Variants in CDH12 observed in about 807,000 individuals in gnomAD.
CDH12 encodes cadherin 12.
Under a neutral mutation model 74.1 loss-of-function variants are expected in CDH12, and 41 were observed. The ratio of observed to expected loss-of-function variants is 0.55; its 90% CI spans 0.43 to 0.72. The LOEUF (loss-of-function observed/expected upper bound fraction) is 0.72, where lower values mean the gene tolerates loss of function less well. Ranked by LOEUF, CDH12 falls within the 30% of genes least tolerant of loss-of-function variation. The pLI is 0.00. For missense variants in CDH12, 945 were observed against 977.2 expected (o/e 0.97, Z 0.44); for synonymous variants, 399 against 355.0 (o/e 1.12, Z -1.39).
At chr5:22,272,321 C>T (rs537892489) in intron 3 of CDH12, among the ~76,000 whole-genome samples, 1 of 152,290 alleles carries the variant, frequency 6.6e-6, no homozygotes, top group Non-Finnish European at 1.5e-5. Flanking sequence ...GCATTAGGGT[C>T]TTGCTCTGGA....
At chr5:21,925,389 A>G (rs1326668396) in intron 6 of CDH12, among the ~76,000 whole-genome samples, 1 of 152,202 alleles carries the variant, frequency 6.6e-6, no homozygotes, top group African/African-American at 2.4e-5. Flanking sequence ...TCTAATTATA[A>G]CTGACACAAA....
chr5:21,884,032 C>T (rs575109584), intron 6 of CDH12: 69 of 1,451,614 alleles, frequency 4.8e-5, no homozygotes, highest in African/African-American at 1.9e-4. Flanking sequence ...ACCACTGCTA[C>T]GAATGCAGGT....
chr5:22,460,984 G>C (rs1745489071), intron 2 of CDH12, among the ~76,000 whole-genome samples: 1 of 145,306 alleles, frequency 6.9e-6, no homozygotes, highest in Non-Finnish European at 1.5e-5. Flanking sequence ...GCCTCCCAAA[G>C]TGCTGGGATT....
At chr5:22,190,176 T>G (rs1275718320) in intron 4 of CDH12, among the ~76,000 whole-genome samples, 1 of 152,226 alleles carries the variant, frequency 6.6e-6, no homozygotes, top group Non-Finnish European at 1.5e-5. Flanking sequence ...CTAATTCAAA[T>G]AGAGGTAGTG....
At chr5:22,505,421 AT>A in intron 1 of CDH12, 57 bp from the exon 2 acceptor site, 1 of 576,362 alleles carries the variant, frequency 1.7e-6, no homozygotes, top group Non-Finnish European at 2.2e-6. Flanking sequence ...ATAAACATTT[AT>A]TTTAGAATAT....
chr5:21,787,779 C>T (rs1746275761), intron 10 of CDH12, among the ~76,000 whole-genome samples: 1 of 152,136 alleles, frequency 6.6e-6, no homozygotes, highest in African/African-American at 2.4e-5. Flanking sequence ...CACATGAATG[C>T]TCTCAAAAAT....
chr5:21,879,618 T>C (rs1027628626), intron 6 of CDH12, among the ~76,000 whole-genome samples: 1 of 152,260 alleles, frequency 6.6e-6, no homozygotes, highest in Non-Finnish European at 1.5e-5. Flanking sequence ...TTTTTAAAAA[T>C]ATTTTGGTCA....
intron 1 of CDH12, among the ~76,000 whole-genome samples, chr5:22,610,777 ATATC>A (rs1737354863): frequency 6.6e-6 from 1 of 152,120 alleles, no homozygotes; most frequent in Non-Finnish European, 1.5e-5. Flanking sequence ...TTACTTAAAA[ATATC>A]TAATTATCCT....
At chr5:22,370,843 A>T (rs921029409) in intron 3 of CDH12, among the ~76,000 whole-genome samples, 4 of 152,158 alleles carry the variant, frequency 2.6e-5, no homozygotes, top group African/African-American at 7.2e-5. Flanking sequence ...AACAGCAAAA[A>T]AATCATCTGG....
At chr5:22,237,132 A>G (rs1397542614) in intron 3 of CDH12, among the ~76,000 whole-genome samples, 1 of 152,106 alleles carries the variant, frequency 6.6e-6, no homozygotes, top group Non-Finnish European at 1.5e-5. Flanking sequence ...TAGTTTGTTT[A>G]CACCAGCAGC....
At chr5:22,251,516 T>A (rs957591313) in intron 3 of CDH12, among the ~76,000 whole-genome samples, 9 of 152,222 alleles carry the variant, frequency 5.9e-5, no homozygotes, top group African/African-American at 2.2e-4. Context: ...TAAAGCCGTA[T>A]GAAAATGGAT....
intron 4 of CDH12, among the ~76,000 whole-genome samples, chr5:22,201,333 C>G (rs757254045): frequency 8.9e-4 from 136 of 152,258 alleles, no homozygotes; most frequent in Non-Finnish European, 1.5e-3. Flanking sequence ...AAACGGAATA[C>G]TATTCACACA....
chr5:21,944,861 C>T (rs1260702462), intron 6 of CDH12, among the ~76,000 whole-genome samples: 1 of 152,036 alleles, frequency 6.6e-6, no homozygotes, highest in East Asian at 1.9e-4. Context: ...CAAACTTCCA[C>T]CTAACCAGTC....
At chr5:22,582,769 A>C (rs1420092352) in intron 1 of CDH12, among the ~76,000 whole-genome samples, 3 of 152,182 alleles carry the variant, frequency 2.0e-5, no homozygotes, top group African/African-American at 7.2e-5. Context: ...GAGTCAAAAA[A>C]GTTTACTGCA....
At chr5:22,350,130 C>T (rs902827545) in intron 3 of CDH12, among the ~76,000 whole-genome samples, 32 of 151,980 alleles carry the variant, frequency 2.1e-4, no homozygotes, top group Non-Finnish European at 4.7e-4. Context: ...TTAGTAACGA[C>T]TAAGAAAAAA....
intron 2 of CDH12, among the ~76,000 whole-genome samples, chr5:22,467,700 A>G (rs1270124108): frequency 6.6e-6 from 1 of 152,214 alleles, no homozygotes; most frequent in African/African-American, 2.4e-5. Flanking sequence ...TTCTAAGTGC[A>G]TGTAATATCT....
At chr5:22,510,138 A>C (rs1335251465) in intron 1 of CDH12, among the ~76,000 whole-genome samples, 1 of 152,204 alleles carries the variant, frequency 6.6e-6, no homozygotes, top group Admixed American at 6.5e-5. Context: ...CATAATACAC[A>C]TTTAAAGCCT....
At chr5:22,483,051 C>T (rs1257634139) in intron 2 of CDH12, among the ~76,000 whole-genome samples, 2 of 152,120 alleles carry the variant, frequency 1.3e-5, no homozygotes, top group East Asian at 3.9e-4. Flanking sequence ...CCCTTCTCTT[C>T]AACTACCACC....
intron 5 of CDH12, among the ~76,000 whole-genome samples, chr5:22,021,558 T>C (rs1037746808): frequency 6.6e-6 from 1 of 152,214 alleles, no homozygotes; most frequent in African/African-American, 2.4e-5. Context: ...AATTATGTGA[T>C]ACACATTCAT....
Sources: allele counts gnomAD v4.1 joint callset (sites outside exome capture counted in the v4.1 genomes callset), GRCh38; gene constraint gnomAD v4.1.1; transcripts MANE v1.5; gene names NCBI Gene and HGNC (gene_info 2026-07-23, HGNC 2026-07-21).